DLG2: variants seen among roughly 807,000 people sequenced by gnomAD.
DLG2 encodes discs large MAGUK scaffold protein 2.
Under a neutral mutation model 132.5 loss-of-function variants are expected in DLG2, and 45 were observed. That is an observed-to-expected ratio of 0.34 (90% CI 0.27 to 0.44). The LOEUF is 0.44. Ranked by LOEUF, DLG2 falls within the 20% of genes least tolerant of loss-of-function variation. The pLI is 1.00. For missense variants in DLG2, 1,045 were observed against 1,196.9 expected, an observed-to-expected ratio of 0.87 and a Z score of 1.87; for synonymous variants, 424 against 419.6, an observed-to-expected ratio of 1.01 and a Z score of -0.13.
At chr11:84,394,166 T>C (rs939407713) in intron 7 of DLG2, among the ~76,000 whole-genome samples, 4 of 152,122 alleles carry the variant, frequency 2.6e-5, no homozygotes, top group Non-Finnish European at 5.9e-5. Context: ...CATGAGCCAC[T>C]GCACCTGGTC....
At chr11:83,509,588 C>G (rs960542728) in intron 21 of DLG2, among the ~76,000 whole-genome samples, 1 of 152,284 alleles carries the variant, frequency 6.6e-6, no homozygotes, top group South Asian at 2.1e-4. Flanking sequence ...CTCCATCTCT[C>G]AAGCCATTTC....
chr11:84,415,639 G>A (rs1454970930), intron 7 of DLG2, among the ~76,000 whole-genome samples: 7 of 152,132 alleles, frequency 4.6e-5, no homozygotes, highest in African/African-American at 1.7e-4. Context: ...TCATAGGTGT[G>A]GCCAGCGCCA....
At chr11:85,269,992 G>T (rs959095251) in intron 4 of DLG2, among the ~76,000 whole-genome samples, 12 of 152,122 alleles carry the variant, frequency 7.9e-5, no homozygotes, top group African/African-American at 2.9e-4. Context: ...AATATAATAA[G>T]GGCCAGATAA....
At chr11:84,533,464 TAATA>T (rs1349310342) in intron 7 of DLG2, among the ~76,000 whole-genome samples, 1 of 152,230 alleles carries the variant, frequency 6.6e-6, no homozygotes, top group African/African-American at 2.4e-5. Context: ...AGTTACTATA[TAATA>T]TTTACTGGAA....
At chr11:83,765,597 T>A (rs1000274609) in intron 18 of DLG2, among the ~76,000 whole-genome samples, 2 of 152,238 alleles carry the variant, frequency 1.3e-5, no homozygotes, top group African/African-American at 4.8e-5. Context: ...CCTTCAGTTT[T>A]AACAGAGGTT....
intron 7 of DLG2, among the ~76,000 whole-genome samples, chr11:84,365,242 A>G (rs1291405822): frequency 6.6e-6 from 1 of 152,048 alleles, no homozygotes; most frequent in Non-Finnish European, 1.5e-5. Flanking sequence ...TAGTCTTGGG[A>G]GAGTGTATGT....
At chr11:84,233,450 G>A (rs1406105655) in intron 8 of DLG2, among the ~76,000 whole-genome samples, 2 of 152,318 alleles carry the variant, frequency 1.3e-5, no homozygotes, top group East Asian at 3.9e-4. Context: ...GCTGGCAGCT[G>A]TGCCAATAGA....
At chr11:85,312,147 T>C (rs1371238809) in intron 3 of DLG2, among the ~76,000 whole-genome samples, 2 of 152,030 alleles carry the variant, frequency 1.3e-5, no homozygotes, top group Non-Finnish European at 1.5e-5. Flanking sequence ...CACTGTATTG[T>C]CTCTATTAAT....
intron 6 of DLG2, among the ~76,000 whole-genome samples, chr11:84,842,787 C>A (rs2080871403): frequency 6.6e-6 from 1 of 151,668 alleles, no homozygotes; most frequent in Non-Finnish European, 1.5e-5. Context: ...AATATCTGGA[C>A]AGATATTTGT....
chr11:84,341,186 C>T (rs1176742278), intron 7 of DLG2, among the ~76,000 whole-genome samples: 2 of 152,012 alleles, frequency 1.3e-5, no homozygotes, highest in African/African-American at 4.8e-5. Flanking sequence ...TGGGGGTTCT[C>T]ATAATAGTAT....
intron 6 of DLG2, among the ~76,000 whole-genome samples, chr11:84,797,957 T>A (rs1218733868): frequency 6.6e-6 from 1 of 152,166 alleles, no homozygotes; most frequent in African/African-American, 2.4e-5. Flanking sequence ...TGGATAAAAT[T>A]CAGAAGAATT....
chr11:84,851,240 G>GTT (rs1027002069), intron 6 of DLG2, among the ~76,000 whole-genome samples: 3 of 152,094 alleles, frequency 2.0e-5, no homozygotes, highest in African/African-American at 7.2e-5. Context: ...GAATCATGTT[G>GTT]TGTGTACTCT....
intron 6 of DLG2, among the ~76,000 whole-genome samples, chr11:84,743,375 C>T (rs935449298): frequency 6.6e-6 from 1 of 152,098 alleles, no homozygotes; most frequent in Non-Finnish European, 1.5e-5. Flanking sequence ...GTATACCAAC[C>T]ATCTTTAGTA....
At chr11:83,912,027 G>A (rs553836671) in intron 15 of DLG2, among the ~76,000 whole-genome samples, 62 of 151,802 alleles carry the variant, frequency 4.1e-4, no homozygotes, top group Non-Finnish European at 5.7e-4. Context: ...AAACACAAGA[G>A]CAAAAATGGC....
intron 6 of DLG2, among the ~76,000 whole-genome samples, chr11:84,733,531 A>G (rs1488212051): frequency 6.6e-6 from 1 of 152,058 alleles, no homozygotes; most frequent in Non-Finnish European, 1.5e-5. Context: ...TAGATTCTGG[A>G]TATTAGTCCC....
intron 9 of DLG2, among the ~76,000 whole-genome samples, chr11:84,129,159 CG>C (rs2154214415): frequency 6.6e-6 from 1 of 152,122 alleles, no homozygotes; most frequent in South Asian, 2.1e-4. Context: ...TACAACAGAA[CG>C]TCCTTCAGGC....
chr11:83,767,526 C>A (rs2094195903), intron 18 of DLG2, among the ~76,000 whole-genome samples: 1 of 152,164 alleles, frequency 6.6e-6, no homozygotes, highest in South Asian at 2.1e-4. Context: ...CTCTGATGGT[C>A]AAGAGCAGGG....
At chr11:84,867,001 C>T (rs891399550) in intron 6 of DLG2, among the ~76,000 whole-genome samples, 26 of 152,068 alleles carry the variant, frequency 1.7e-4, no homozygotes, top group African/African-American at 6.3e-4. Context: ...AGTAGGTAAG[C>T]AGTAAAGATT....
chr11:83,732,845 C>T (rs61900025), intron 18 of DLG2, among the ~76,000 whole-genome samples: 2 of 152,184 alleles, frequency 1.3e-5, no homozygotes, highest in African/African-American at 4.8e-5. Context: ...CTGGGAAACA[C>T]TTTCGCTGAG....
Sources: allele counts gnomAD v4.1 joint callset (sites outside exome capture counted in the v4.1 genomes callset), GRCh38; gene constraint gnomAD v4.1.1; transcripts MANE v1.5; gene names NCBI Gene and HGNC (gene_info 2026-07-23, HGNC 2026-07-21).